Variants in KBTBD12 observed in about 807,000 individuals in gnomAD.
The protein encoded by KBTBD12 is kelch repeat and BTB domain containing 12, also known as kelch repeat and BTB domain-containing protein 12.
KBTBD12 carries 53 observed loss-of-function variants against 58.7 expected under a neutral mutation model. The observed-to-expected ratio is 0.90, with a 90% CI of 0.72 to 1.14. The LOEUF (loss-of-function observed/expected upper bound fraction) is 1.14, where lower values mean the gene tolerates loss of function less well. Among genes scored for constraint, KBTBD12 ranks in the 50% most tolerant of loss-of-function variants. The pLI is 0.00. For synonymous variants in KBTBD12, 236 were observed against 259.8 expected, an observed-to-expected ratio of 0.91 and a Z score of 0.88; for missense variants, 704 against 751.3, an observed-to-expected ratio of 0.94 and a Z score of 0.74.
At chr3:127,973,538 G>A (rs1316173958) in intron 5 of KBTBD12, among the ~76,000 whole-genome samples, 1 of 152,092 alleles carries the variant, frequency 6.6e-6, no homozygotes, top group Admixed American at 6.6e-5. Flanking sequence ...TATGATAATG[G>A]TTTGTGATTA....
intron 4 of KBTBD12, among the ~76,000 whole-genome samples, chr3:127,944,517 G>GT (rs1940028003): frequency 6.6e-6 from 1 of 152,118 alleles, no homozygotes. Flanking sequence ...TGATTTTTGT[G>GT]TGTTGATTTT....
At chr3:127,919,976 G>A (rs991814565) in intron 1 of KBTBD12, among the ~76,000 whole-genome samples, 2 of 152,168 alleles carry the variant, frequency 1.3e-5, no homozygotes, top group Non-Finnish European at 2.9e-5. Context: ...AACAGCTGGA[G>A]AAATTAAACA....
At chr3:127,968,916 C>A (rs1940635516) in intron 5 of KBTBD12, among the ~76,000 whole-genome samples, 1 of 152,026 alleles carries the variant, frequency 6.6e-6, no homozygotes, top group South Asian at 2.1e-4. Flanking sequence ...ACTTAACAAA[C>A]TGGAAATAGA....
chr3:127,977,693 AT>A (rs1401022549), intron 5 of KBTBD12, among the ~76,000 whole-genome samples: 1 of 151,914 alleles, frequency 6.6e-6, no homozygotes, highest in Non-Finnish European at 1.5e-5. Flanking sequence ...TTTTTGTTTA[AT>A]TTATTTAAGT....
At chr3:127,976,180 T>C (rs765923317) in intron 5 of KBTBD12, among the ~76,000 whole-genome samples, 47 of 152,194 alleles carry the variant, frequency 3.1e-4, no homozygotes, top group Non-Finnish European at 5.9e-4. Flanking sequence ...TAAACACGGA[T>C]AGCTAACAAT....
At chr3:127,957,291 A>C (rs1336627935) in intron 4 of KBTBD12, among the ~76,000 whole-genome samples, 2 of 152,234 alleles carry the variant, frequency 1.3e-5, no homozygotes, top group East Asian at 1.9e-4. Context: ...AAATACTGTC[A>C]AGCATCCTTT....
chr3:127,931,844 G>T (rs1939710261), intron 4 of KBTBD12, among the ~76,000 whole-genome samples: 1 of 152,072 alleles, frequency 6.6e-6, no homozygotes, highest in Non-Finnish European at 1.5e-5. Context: ...ATAAGCAGTG[G>T]TTTGGAGGTG....
intron 5 of KBTBD12, among the ~76,000 whole-genome samples, chr3:127,983,418 C>G (rs185963284): frequency 8.5e-4 from 130 of 152,198 alleles, no homozygotes; most frequent in Non-Finnish European, 1.6e-3. Context: ...TGAACTTGGG[C>G]TCTCATAAGA....
chr3:127,957,184 A>G (rs1467510174), intron 4 of KBTBD12, among the ~76,000 whole-genome samples: 1 of 152,224 alleles, frequency 6.6e-6, no homozygotes, highest in East Asian at 1.9e-4. Flanking sequence ...TATGGAAATG[A>G]GCACAAACTA....
chr3:127,961,318 A>G (rs1940434492), intron 4 of KBTBD12, among the ~76,000 whole-genome samples: 1 of 152,180 alleles, frequency 6.6e-6, no homozygotes, highest in Admixed American at 6.5e-5. Flanking sequence ...CTGTGCCGTT[A>G]ACCGAGGCCA....
In KBTBD12 at chr3:127,948,212, G is replaced by A. The variant is rs140252699; in HGVS notation, c.1493-14977G>A. Among the ~76,000 whole-genome samples, 226 of 152,306 alleles carry A rather than the reference G, an allele frequency of 1.5e-3. 1 individual carries two copies. Among genetic ancestry groups the A allele is most frequent in the African/African-American group, 5.1e-3 (212 of 41,560 alleles). On this transcript the variant is annotated intron_variant, in intron 4 of 5. Transcript: ENST00000405109. ...TATCTGACAACAAAACTTTTACTGT[G>A]CGTTCCTTCCTGACCTCAAGATCAT...
In KBTBD12 at chr3:127,923,653, G is replaced by GAAGCA; in HGVS notation, c.592_593insAAGCA (p.Val198GlufsTer4). 1.4e-5 allele frequency: 22 copies of GAAGCA among 1,613,788 alleles called. No homozygotes were observed. The highest frequency in any genetic ancestry group is 1.9e-5 in the Non-Finnish European group (22 of 1,179,810). On this transcript the variant is annotated frameshift_variant, in exon 2 of 6. Transcript: ENST00000405109. LOFTEE classifies it high-confidence loss of function. ...CAGAGAAGAGAGCATTCTGGACTTA[G>GAAGCA]TTCTGAGATGGGTAAATCATAACAA...
chr3:127,976,777 G>T (rs1208645989), intron 5 of KBTBD12, among the ~76,000 whole-genome samples: 1 of 152,152 alleles, frequency 6.6e-6, no homozygotes, highest in Non-Finnish European at 1.5e-5. Context: ...TCATTTTTAT[G>T]TGTGTATGCT....
Position 127,923,658 on chromosome 3 carries a change from G to T in KBTBD12, c.597G>T (p.Leu199=). ...SREESILDLV[L]RWVNHNKELR... The stretch of plus-strand genomic sequence containing the variant: ...AAGAGAGCATTCTGGACTTAGTTCT[G>T]AGATGGGTAAATCATAACAAAGAAT... The change falls in exon 2 of 6, where the codon CTG becomes CTT. Residue 199 remains leucine, a synonymous_variant. Coordinates refer to ENST00000405109, the MANE Select transcript of KBTBD12 (RefSeq NM_207335.4). 6.2e-7 allele frequency: 1 copy of T among 1,613,756 alleles called. No homozygotes were observed. The highest frequency in any genetic ancestry group is 2.2e-5 in the East Asian group (1 of 44,886).
intron 4 of KBTBD12, among the ~76,000 whole-genome samples, chr3:127,956,396 T>G (rs910264409): frequency 2.6e-5 from 4 of 151,818 alleles, no homozygotes; most frequent in African/African-American, 9.7e-5. Context: ...GTAATTATAA[T>G]CCTGTATTAT....
chr3:127,975,636 T>A (rs1460391250), intron 5 of KBTBD12, among the ~76,000 whole-genome samples: 1 of 152,198 alleles, frequency 6.6e-6, no homozygotes, highest in Non-Finnish European at 1.5e-5. Context: ...AGGAACTCAG[T>A]CTCCATGCTC....
chr3:127,930,339 G>C, intron 4 of KBTBD12, 56 bp downstream of exon 4: 5 of 1,531,776 alleles, frequency 3.3e-6, no homozygotes, highest in Non-Finnish European at 4.4e-6. Flanking sequence ...TCAGCAGTTT[G>C]CCTCAGCAAA....
chr3:127,933,620 T>G (rs1268688899), intron 4 of KBTBD12, among the ~76,000 whole-genome samples: 1 of 151,964 alleles, frequency 6.6e-6, no homozygotes, highest in Non-Finnish European at 1.5e-5. Flanking sequence ...GTTGAGCACA[T>G]GTAGAGAGCA....
intron 4 of KBTBD12, among the ~76,000 whole-genome samples, chr3:127,944,957 T>C (rs1180408427): frequency 6.6e-6 from 1 of 151,744 alleles, no homozygotes; most frequent in Non-Finnish European, 1.5e-5. Flanking sequence ...CATGGCTCAC[T>C]GTAGCCTCAA....
Sources: allele counts gnomAD v4.1 joint callset (sites outside exome capture counted in the v4.1 genomes callset), GRCh38; gene constraint gnomAD v4.1.1; transcripts MANE v1.5; gene names NCBI Gene and HGNC (gene_info 2026-07-23, HGNC 2026-07-21).